FGF12: variants seen among roughly 807,000 people sequenced by gnomAD.
FGF12 encodes fibroblast growth factor 12.
A neutral mutation model predicts 23.6 loss-of-function variants in FGF12; 14 were observed. The ratio of observed to expected loss-of-function variants is 0.59; its 90% CI spans 0.39 to 0.93. The LOEUF (loss-of-function observed/expected upper bound fraction) is 0.93. Among genes scored for constraint, FGF12 ranks in the 40% least tolerant of loss-of-function variants. FGF12 has a pLI of 0.00. For synonymous variants in FGF12, 62 were observed against 77.3 expected, an observed-to-expected ratio of 0.80 and a Z score of 1.04; for missense variants, 175 against 217.8, an observed-to-expected ratio of 0.80 and a Z score of 1.24.
At chr3:192,585,562 G>C (rs1429187895) in intron 2 of FGF12, among the ~76,000 whole-genome samples, 1 of 152,108 alleles carries the variant, frequency 6.6e-6, no homozygotes, top group East Asian at 1.9e-4. Context: ...TATCTCACCA[G>C]CTTGACCCAA....
chr3:192,657,895 G>A (rs1004944737), intron 2 of FGF12, among the ~76,000 whole-genome samples: 1 of 152,026 alleles, frequency 6.6e-6, no homozygotes, highest in African/African-American at 2.4e-5. Context: ...AGTAATAAGT[G>A]TGGCAAGATA....
At chr3:192,198,292 G>A (rs968303029) in intron 4 of FGF12, among the ~76,000 whole-genome samples, 2 of 152,062 alleles carry the variant, frequency 1.3e-5, no homozygotes, top group Non-Finnish European at 2.9e-5. Context: ...CACTGATGGC[G>A]ATTAGGGAAT....
intron 3 of FGF12, among the ~76,000 whole-genome samples, chr3:192,341,270 C>T (rs1717676760): frequency 6.6e-6 from 1 of 152,022 alleles, no homozygotes; most frequent in Non-Finnish European, 1.5e-5. Context: ...TAAACACTTC[C>T]AAGTTATAAA....
intron 4 of FGF12, among the ~76,000 whole-genome samples, chr3:192,324,908 CATATATGCTA>C: frequency 6.6e-6 from 1 of 152,136 alleles, no homozygotes; most frequent in South Asian, 2.1e-4. Context: ...TTTCTAGAAA[CATATATGCTA>C]ATTTTCCAAT....
intron 2 of FGF12, among the ~76,000 whole-genome samples, chr3:192,615,918 T>C (rs1714737827): frequency 6.6e-6 from 1 of 151,992 alleles, no homozygotes; most frequent in African/African-American, 2.4e-5. Context: ...ATGAAAAAAG[T>C]ACATCAAAAT....
Position 192,708,021 on chromosome 3 carries a change from G to A in FGF12, c.13+19160C>T, listed in dbSNP as rs182419292. 5.0e-3 allele frequency among the ~76,000 whole-genome samples: 761 copies of A among 152,116 alleles called. 7 individuals carry two copies. The highest frequency in any genetic ancestry group is 0.018 in the African/African-American group (736 of 41,536). On this transcript the variant is annotated intron_variant, in intron 2 of 5. Transcript: ENST00000445105. ...GTCACCCAGGCTGGAGTGCTGTGGC[G>A]CGATCTCGGCTCACTGCAAGCTCCG... is the stretch of plus-strand genomic sequence containing the variant.
intron 2 of FGF12, among the ~76,000 whole-genome samples, chr3:192,477,376 G>A (rs939509380): frequency 6.6e-6 from 1 of 152,136 alleles, no homozygotes; most frequent in Non-Finnish European, 1.5e-5. Flanking sequence ...GAGGGGATCT[G>A]GAGGCCCAAA....
chr3:192,463,892 C>A (rs1010958655), intron 2 of FGF12, among the ~76,000 whole-genome samples: 2 of 152,056 alleles, frequency 1.3e-5, no homozygotes, highest in Non-Finnish European at 2.9e-5. Context: ...GCTTTATTAT[C>A]GTCCATACTA....
intron 4 of FGF12, among the ~76,000 whole-genome samples, chr3:192,197,817 A>G (rs1005582227): frequency 1.3e-5 from 2 of 152,034 alleles, no homozygotes; most frequent in African/African-American, 2.4e-5. Flanking sequence ...GTGGTGGTAC[A>G]TGCCTGTAAT....
At chr3:192,427,819 A>T (rs1158647884) in intron 2 of FGF12, among the ~76,000 whole-genome samples, 1 of 152,236 alleles carries the variant, frequency 6.6e-6, no homozygotes, top group East Asian at 1.9e-4. Context: ...CAAGAAACAC[A>T]GAGACAGCCA....
At chr3:192,314,283 AAATT>A (rs1716114047) in intron 4 of FGF12, among the ~76,000 whole-genome samples, 1 of 147,668 alleles carries the variant, frequency 6.8e-6, no homozygotes, top group Admixed American at 6.8e-5. Flanking sequence ...TTAAAAATTA[AAATT>A]AAAAAAAAAA....
chr3:192,286,409 T>C (rs1714450217), intron 4 of FGF12, among the ~76,000 whole-genome samples: 1 of 152,058 alleles, frequency 6.6e-6, no homozygotes, highest in Admixed American at 6.6e-5. Context: ...GTGGTGTTAC[T>C]GAGTTATGGA....
intron 2 of FGF12, among the ~76,000 whole-genome samples, chr3:192,402,034 T>C (rs9858639): frequency 0.039 from 5,909 of 152,298 alleles, 379 homozygotes; most frequent in African/African-American, 0.13. Context: ...CTAATGTTCT[T>C]ACAAATAATA....
intron 2 of FGF12, among the ~76,000 whole-genome samples, chr3:192,453,584 A>C (rs1228238410): frequency 6.6e-6 from 1 of 152,200 alleles, no homozygotes; most frequent in Non-Finnish European, 1.5e-5. Flanking sequence ...AAACACTTTA[A>C]TTCTTTAAGG....
intron 4 of FGF12, among the ~76,000 whole-genome samples, chr3:192,252,910 T>C (rs1177444564): frequency 6.6e-6 from 1 of 152,106 alleles, no homozygotes; most frequent in East Asian, 1.9e-4. Flanking sequence ...CATTATACCC[T>C]GGGGGAACTG....
At chr3:192,456,588 A>T (rs1033365173) in intron 2 of FGF12, among the ~76,000 whole-genome samples, 1 of 152,192 alleles carries the variant, frequency 6.6e-6, no homozygotes, top group Admixed American at 6.5e-5. Context: ...ATAAATGTAT[A>T]CTCCTAATAC....
At chr3:192,490,044 T>A (rs1208170749) in intron 2 of FGF12, among the ~76,000 whole-genome samples, 5 of 152,120 alleles carry the variant, frequency 3.3e-5, no homozygotes, top group Admixed American at 3.3e-4. Context: ...TCAGACTTAG[T>A]ATTTGAGAAA....
chr3:192,561,615 G>T lies in FGF12; in HGVS notation c.13+165566C>A, dbSNP rs764505011. Among the ~76,000 whole-genome samples, 134 of 152,232 alleles carry T rather than the reference G, an allele frequency of 8.8e-4. 1 individual carries two copies. Among genetic ancestry groups the T allele is most frequent in the Non-Finnish European group, 1.4e-3 (95 of 68,000 alleles). On this transcript the variant is annotated intron_variant, in intron 2 of 5. Coordinates refer to ENST00000445105, the MANE Select transcript of FGF12 (RefSeq NM_004113.6). ...CTGACCTTGTGATCCGCCCGCCTCG[G>T]CCTCCCAAAGTGCTGGGATTACAGG...
In FGF12 at chr3:192,504,506, A is replaced by G. The variant is rs901834921; in HGVS notation, c.14-143968T>C. Among the ~76,000 whole-genome samples the G allele has an allele frequency of 3.3e-5, 5 of 152,198 alleles. No individual in the cohort carries two copies. The East Asian group carries it at 9.7e-4, about 29-fold the overall frequency. The stretch of plus-strand genomic sequence containing the variant: ...AATAAGAGTCTTTACCCTTCCATCC[A>G]TTCTTCTCACTCTTTTCCAGGGAAG... On this transcript the variant is annotated intron_variant, in intron 2 of 5. Transcript: ENST00000445105.
Sources: allele counts gnomAD v4.1 joint callset (sites outside exome capture counted in the v4.1 genomes callset), GRCh38; gene constraint gnomAD v4.1.1; transcripts MANE v1.5; gene names NCBI Gene and HGNC (gene_info 2026-07-23, HGNC 2026-07-21).